Variants in NBEA observed in about 807,000 individuals in gnomAD.
NBEA encodes the protein neurobeachin.
Under a neutral mutation model 343.4 loss-of-function variants are expected in NBEA, and 44 were observed. The ratio of observed to expected loss-of-function variants is 0.13; its 90% confidence interval spans 0.10 to 0.16. NBEA has a LOEUF of 0.16. NBEA is among the 10% of genes least tolerant of loss of function. The pLI is 1.00. For synonymous variants in NBEA, 1,175 were observed against 1,238.7 expected (o/e 0.95, Z 1.08); for missense variants, 2,555 against 3,631.3 (o/e 0.70, Z 7.62).
intron 10 of NBEA, among the ~76,000 whole-genome samples, chr13:35,074,335 A>G (rs9670125): frequency 0.027 from 4,176 of 152,250 alleles, 83 homozygotes; most frequent in South Asian, 0.074. Flanking sequence ...TTTTTCTTAC[A>G]TTGAGCTATG....
intron 10 of NBEA, among the ~76,000 whole-genome samples, chr13:35,094,493 T>C (rs1421330082): frequency 1.3e-5 from 2 of 152,088 alleles, no homozygotes; most frequent in East Asian, 3.9e-4. Flanking sequence ...CTGCTAAATA[T>C]ACCTGGAGTT....
chr13:35,652,500 G>T (rs2084581085), intron 53 of NBEA, among the ~76,000 whole-genome samples: 1 of 150,550 alleles, frequency 6.6e-6, no homozygotes, highest in Admixed American at 6.6e-5. Context: ...AATTAGCCAG[G>T]CGCGGTGGCG....
intron 34 of NBEA, among the ~76,000 whole-genome samples, chr13:35,272,815 A>G (rs1224275222): frequency 6.6e-6 from 1 of 152,218 alleles, no homozygotes; most frequent in Non-Finnish European, 1.5e-5. Context: ...TATCCTAAAT[A>G]TATACGTGCC....
intron 25 of NBEA, among the ~76,000 whole-genome samples, chr13:35,169,989 G>T (rs9565069): frequency 0.31 from 46,551 of 151,518 alleles, 8,014 homozygotes; most frequent in Middle Eastern, 0.51. Context: ...ATTTTAGAGA[G>T]AATGGTTTTA....
At chr13:35,246,831 G>A (rs1040999455) in intron 34 of NBEA, among the ~76,000 whole-genome samples, 4 of 152,106 alleles carry the variant, frequency 2.6e-5, no homozygotes, top group African/African-American at 9.7e-5. Flanking sequence ...GTATAGGGAG[G>A]ATGGGCAGGG....
intron 1 of NBEA, among the ~76,000 whole-genome samples, chr13:34,994,912 A>G (rs959534301): frequency 3.3e-5 from 5 of 152,192 alleles, no homozygotes; most frequent in Non-Finnish European, 7.3e-5. Flanking sequence ...TCGTATTTGA[A>G]TAGTTGATAG....
chr13:35,274,720 T>TA (rs1430429977), intron 34 of NBEA, among the ~76,000 whole-genome samples: 2 of 148,002 alleles, frequency 1.4e-5, no homozygotes, highest in East Asian at 4.0e-4. Context: ...ACACCAGTAA[T>TA]AGAGAGCCAA....
chr13:34,994,630 C>G (rs1593399627), intron 1 of NBEA, among the ~76,000 whole-genome samples: 1 of 152,082 alleles, frequency 6.6e-6, no homozygotes, highest in Non-Finnish European at 1.5e-5. Flanking sequence ...GAAAATCCTA[C>G]CTTTACTGTT....
Position 35,610,495 on chromosome 13 carries a change from C to CA in NBEA, c.7449+3925dup, listed in dbSNP as rs35477262. Among the ~76,000 whole-genome samples the CA allele has an allele frequency of 4.0e-5, 6 of 151,140 alleles. No homozygotes were observed. In the East Asian group the frequency reaches 5.8e-4, roughly 15 times the overall value. On this transcript the variant is annotated intron_variant, in intron 48 of 58. Transcript: ENST00000379939. ...GCTAGAAGAGTTGGATATCTATATCCAAAAAAAAGGAAGGGGAAGGTTTCA... is the reference window on the plus strand; with the variant it reads ...GCTAGAAGAGTTGGATATCTATATCCAAAAAAAAAGGAAGGGGAAGGTTTCA...
intron 1 of NBEA, among the ~76,000 whole-genome samples, chr13:34,983,003 A>G (rs2060410442): frequency 6.6e-6 from 1 of 152,096 alleles, no homozygotes; most frequent in Non-Finnish European, 1.5e-5. Flanking sequence ...TTCCTCAGGA[A>G]TTGACCTTTG....
chr13:34,946,799 A>T (rs961900465), intron 1 of NBEA, among the ~76,000 whole-genome samples: 1 of 148,622 alleles, frequency 6.7e-6, no homozygotes, highest in Non-Finnish European at 1.5e-5. Flanking sequence ...AATTTCTCTC[A>T]TCTTGGCTTA....
chr13:35,277,412 G>A (rs1437005986), intron 34 of NBEA, among the ~76,000 whole-genome samples: 14 of 151,582 alleles, frequency 9.2e-5, no homozygotes, highest in African/African-American at 3.4e-4. Context: ...ACTTGAGGTC[G>A]GGTGTTCCAG....
At chr13:35,255,714 T>C (rs563837260) in intron 34 of NBEA, among the ~76,000 whole-genome samples, 1 of 152,328 alleles carries the variant, frequency 6.6e-6, no homozygotes, top group Non-Finnish European at 1.5e-5. Context: ...GGGGAGCCCC[T>C]AGGTCTGGGC....
intron 36 of NBEA, among the ~76,000 whole-genome samples, chr13:35,326,797 T>G (rs1200096140): frequency 2.0e-5 from 3 of 151,830 alleles, no homozygotes; most frequent in African/African-American, 7.3e-5. Context: ...TGGGACAAGG[T>G]TAAACTAAGA....
At chr13:34,987,306 A>G (rs2060584801) in intron 1 of NBEA, among the ~76,000 whole-genome samples, 1 of 151,052 alleles carries the variant, frequency 6.6e-6, no homozygotes, top group African/African-American at 2.4e-5. Context: ...TCTTTTAAGA[A>G]TATTGAATAT....
intron 8 of NBEA, among the ~76,000 whole-genome samples, chr13:35,059,784 G>GC (rs2063401964): frequency 1.4e-5 from 2 of 144,900 alleles, no homozygotes; most frequent in African/African-American, 2.5e-5. Flanking sequence ...AGAGAGAGAG[G>GC]AAAGTTTGAA....
intron 10 of NBEA, among the ~76,000 whole-genome samples, chr13:35,085,420 T>A (rs1296456904): frequency 6.6e-6 from 1 of 152,186 alleles, no homozygotes; most frequent in Non-Finnish European, 1.5e-5. Flanking sequence ...GATGCAAGGC[T>A]GGTTCAACAT....
At chr13:35,635,183 T>A (rs2083643643) in intron 49 of NBEA, among the ~76,000 whole-genome samples, 1 of 152,200 alleles carries the variant, frequency 6.6e-6, no homozygotes, top group South Asian at 2.1e-4. Context: ...CTTTCTATTA[T>A]TCTTTATTCT....
intron 1 of NBEA, among the ~76,000 whole-genome samples, chr13:35,035,534 T>C (rs1466278765): frequency 6.6e-6 from 1 of 152,044 alleles, no homozygotes; most frequent in East Asian, 1.9e-4. Context: ...CAATTTGGTC[T>C]GTAGTGCAGA....
Sources: allele counts gnomAD v4.1 joint callset (sites outside exome capture counted in the v4.1 genomes callset), GRCh38; gene constraint gnomAD v4.1.1; transcripts MANE v1.5; gene names NCBI Gene and HGNC (gene_info 2026-07-23, HGNC 2026-07-21).